The following BCAS3 variants were observed in gnomAD, a reference collection of about 807,000 sequenced individuals.
BCAS3 encodes BCAS4/BCAS3 fusion.
BCAS3 carries 53 observed loss-of-function variants against 116.1 expected under a neutral mutation model. That is an observed-to-expected ratio of 0.46 (90% CI 0.37 to 0.57). The LOEUF (loss-of-function observed/expected upper bound fraction) is 0.57, where lower values mean the gene tolerates loss of function less well. Among genes scored for constraint, BCAS3 ranks in the 20% least tolerant of loss-of-function variants. The pLI is 0.00. For synonymous variants in BCAS3, 391 were observed against 408.2 expected, an observed-to-expected ratio of 0.96 and a Z score of 0.51; for missense variants, 917 against 1,165.4, an observed-to-expected ratio of 0.79 and a Z score of 3.10.
At chr17:60,746,686 A>G (rs956598709) in intron 5 of BCAS3, among the ~76,000 whole-genome samples, 5 of 152,162 alleles carry the variant, frequency 3.3e-5, no homozygotes, top group Non-Finnish European at 7.4e-5. Context: ...GTGAAAGAAT[A>G]TAGGCTTATT....
rs2054759504 is a variant in BCAS3 at position 61,316,589 on chromosome 17, AGACTCAGAGGG to A, written c.2426-51736_2426-51726del. On this transcript the variant is annotated intron_variant, in intron 22 of 23. Transcript: ENST00000407086. The surrounding 1 kb of genome is among the most constrained non-coding windows in gnomAD (Gnocchi z 5.8). ...ACAGCTTTCCTCTTCGCTGCTAGGC[AGACTCAGAGGG>A]GCCTGCAGCTGGTATCTGATAAAAT... Among the ~76,000 whole-genome samples the A allele has an allele frequency of 6.6e-6, 1 of 152,152 alleles. No individual in the cohort carries two copies. The highest frequency in any genetic ancestry group is 1.5e-5 in the Non-Finnish European group (1 of 68,030).
chr17:61,049,882 G>A (rs182362205), intron 19 of BCAS3, among the ~76,000 whole-genome samples: 37 of 151,708 alleles, frequency 2.4e-4, no homozygotes, highest in Admixed American at 7.2e-4. Context: ...ACAGGCATGC[G>A]CCACCACGCC....
At chr17:61,172,927 G>T (rs2078935230) in intron 22 of BCAS3, among the ~76,000 whole-genome samples, 1 of 151,832 alleles carries the variant, frequency 6.6e-6, no homozygotes, top group African/African-American at 2.4e-5. Flanking sequence ...GGCGGAGCTT[G>T]CAGTGAGCTG....
intron 22 of BCAS3, among the ~76,000 whole-genome samples, chr17:61,320,498 G>A (rs1246707396): frequency 1.3e-5 from 2 of 151,870 alleles, no homozygotes; most frequent in Non-Finnish European, 2.9e-5. Flanking sequence ...TAGCTAACAC[G>A]GTGAAACCCC....
At chr17:60,863,299 T>C (rs1336184361) in intron 7 of BCAS3, among the ~76,000 whole-genome samples, 1 of 152,206 alleles carries the variant, frequency 6.6e-6, no homozygotes. Context: ...ATCCTGACTA[T>C]TGCAGCTTTA....
intron 22 of BCAS3, among the ~76,000 whole-genome samples, chr17:61,147,026 C>T (rs1011933814): frequency 6.6e-6 from 1 of 151,674 alleles, no homozygotes; most frequent in Admixed American, 6.6e-5. Flanking sequence ...GCAACCCTCC[C>T]GCCTCATCCT....
Position 60,811,353 on chromosome 17 carries a change from C to A in BCAS3, c.476+3277C>A, listed in dbSNP as rs902343912. ...GGTGAGGACTTCAGTCTTGGTGATACCCCAGACAGCAGCAACTCCAGGCAA... is the reference window on the plus strand; with the variant it reads ...GGTGAGGACTTCAGTCTTGGTGATAACCCAGACAGCAGCAACTCCAGGCAA... On this transcript the variant is annotated intron_variant, in intron 7 of 23. Coordinates refer to ENST00000407086, the MANE Select transcript of BCAS3 (RefSeq NM_017679.5). 7.3e-5 allele frequency: 47 copies of A among 645,080 alleles called. No individual in the cohort carries two copies. In the Admixed American group the frequency reaches 9.5e-4, roughly 13 times the overall value. The allele number at this position is 645,080 out of a possible 1,614,324, so 40.0% of individuals were successfully genotyped here.
chr17:60,754,924 T>C (rs938225237), intron 6 of BCAS3, among the ~76,000 whole-genome samples: 3 of 152,360 alleles, frequency 2.0e-5, no homozygotes, highest in Non-Finnish European at 4.4e-5. Context: ...GTTTGCCTTG[T>C]GTATTTTTAA....
chr17:60,799,708 C>CTTTTTTTTTTTTTT (rs67510415), intron 6 of BCAS3, among the ~76,000 whole-genome samples: 2 of 49,838 alleles, frequency 4.0e-5, no homozygotes, highest in Non-Finnish European at 7.0e-5. Flanking sequence ...TTTTTCTTTT[C>CTTTTTTTTTTTTTT]TTTTTTTTTT....
intron 5 of BCAS3, among the ~76,000 whole-genome samples, chr17:60,741,238 C>G (rs1269150576): frequency 6.6e-6 from 1 of 152,112 alleles, no homozygotes; most frequent in Admixed American, 6.5e-5. Context: ...AGCTGTTCAG[C>G]TTTTTACCTG....
chr17:61,371,762 C>T (rs565895927), intron 23 of BCAS3, among the ~76,000 whole-genome samples: 32 of 152,260 alleles, frequency 2.1e-4, no homozygotes, highest in African/African-American at 6.3e-4. Context: ...CAGCAGCATC[C>T]GTAGCCAGGC....
At chr17:60,689,835 T>C in intron 4 of BCAS3, 74 bp downstream of exon 4, 1 of 1,001,590 alleles carries the variant, frequency 1.0e-6, no homozygotes, top group Non-Finnish European at 1.5e-6. Context: ...AAAGAGAGCC[T>C]CTACTTTAGT....
At chr17:61,275,263 T>C (rs747909388) in intron 22 of BCAS3, among the ~76,000 whole-genome samples, 2 of 152,222 alleles carry the variant, frequency 1.3e-5, no homozygotes, top group Non-Finnish European at 2.9e-5. Context: ...CAACAAATAA[T>C]CTGAAGTTGA....
At chr17:61,297,527 A>C (rs1269921461) in intron 22 of BCAS3, among the ~76,000 whole-genome samples, 1 of 152,172 alleles carries the variant, frequency 6.6e-6, no homozygotes, top group African/African-American at 2.4e-5. Flanking sequence ...AAATTTGACC[A>C]GATGTTTAAG....
rs1408927728 is a variant in BCAS3, at chr17:61,354,703, C to G, written c.2426-13624C>G. ...CCTGAAAATCTGGTACAGGTTTGTC[C>G]TTTGGAGTGAGAGCTCTTGGGTTTA... On this transcript the variant is annotated intron_variant, in intron 22 of 23. Coordinates refer to ENST00000407086, the MANE Select transcript of BCAS3 (RefSeq NM_017679.5). This position sits in a 1 kb window ranked among gnomAD's most constrained non-coding sequence, Gnocchi z 4.5. 6.6e-6 allele frequency: 1 copy of G among 152,196 alleles called. No homozygotes were observed. Among genetic ancestry groups the G allele is most frequent in the African/African-American group, 2.4e-5 (1 of 41,436 alleles). 9.4% of individuals were successfully genotyped at this position (152,196 alleles called of 1,614,324 possible).
rs567806267 is a variant in BCAS3, at chr17:60,880,530, C to T, written c.661+5792C>T. On this transcript the variant is annotated intron_variant, in intron 9 of 23. Coordinates refer to ENST00000407086, the MANE Select transcript of BCAS3 (RefSeq NM_017679.5). ...GTCTTGATCTCTTGACCTCATGATC[C>T]GTCCTCCTTGGCCTCCGAAAGTCCT... Among the ~76,000 whole-genome samples, 23 of 152,270 alleles carry T rather than the reference C, an allele frequency of 1.5e-4. No homozygotes were observed. The East Asian group carries it at 4.2e-3, about 28-fold the overall frequency.
intron 22 of BCAS3, among the ~76,000 whole-genome samples, chr17:61,358,030 G>A: frequency 6.6e-6 from 1 of 151,266 alleles, no homozygotes; most frequent in East Asian, 2.0e-4. Flanking sequence ...AGAGGTTACA[G>A]TGAGCTGAAA....
intron 7 of BCAS3, among the ~76,000 whole-genome samples, chr17:60,853,057 C>T (rs1036617103): frequency 2.0e-5 from 3 of 152,168 alleles, no homozygotes; most frequent in Admixed American, 6.5e-5. Flanking sequence ...TGTCCTCCAC[C>T]ATGCAAATGG....
At chr17:61,092,328 G>GTC (rs375741148) in intron 22 of BCAS3, among the ~76,000 whole-genome samples, 180 of 149,960 alleles carry the variant, frequency 1.2e-3, no homozygotes, top group African/African-American at 3.8e-3. Context: ...CTGTCTGTCT[G>GTC]TCTCTCTCTC....
Sources: allele counts gnomAD v4.1 joint callset (sites outside exome capture counted in the v4.1 genomes callset), GRCh38; gene constraint gnomAD v4.1.1; non-coding constraint Gnocchi (gnomAD v3.1); transcripts MANE v1.5; gene names NCBI Gene and HGNC (gene_info 2026-07-23, HGNC 2026-07-21).